Variants in HOPX observed in about 807,000 individuals in gnomAD.
HOPX encodes HOP homeobox.
In HOPX, 5 loss-of-function variants were observed where a neutral mutation model predicts 11.8. That is an observed-to-expected ratio of 0.43 (90% CI 0.22 to 0.89). The LOEUF is 0.89. Ranked by LOEUF, HOPX falls within the 40% of genes least tolerant of loss-of-function variation. The pLI, the probability that HOPX is intolerant of heterozygous loss-of-function variation, is 0.28. For missense variants in HOPX, 119 were observed against 120.0 expected (o/e 0.99, Z 0.04); for synonymous variants, 49 against 49.7 (o/e 0.99, Z 0.06).
chr4:56,679,770 AC>A (rs1471154540), intron 1 of HOPX: 2 of 152,096 alleles, frequency 1.3e-5, no homozygotes, highest in Non-Finnish European at 2.9e-5. Flanking sequence ...GGGCCACCGC[AC>A]CCAGCCACTT....
At chr4:56,656,396 C>T (rs965839828) in intron 2 of HOPX, 2 of 997,834 alleles carry the variant, frequency 2.0e-6, no homozygotes, top group Non-Finnish European at 1.2e-6. Flanking sequence ...TTGAGAAATC[C>T]CCTTAAAAAC....
intron 1 of HOPX, among the ~76,000 whole-genome samples, chr4:56,678,590 C>A (rs71609614): frequency 6.6e-6 from 1 of 151,716 alleles, no homozygotes; most frequent in African/African-American, 2.4e-5. Flanking sequence ...GGATTACAGG[C>A]GCTCACCACA....
chr4:56,648,306 AGG>A lies in HOPX; in HGVS notation c.*412_*413del, dbSNP rs1716842424. ...AGATGATACATAAGGAAAGTGACTT[AGG>A]GAAGTAAGTTCAGAAGGAAATGTGT... is the stretch of plus-strand genomic sequence containing the variant. On this transcript the variant is annotated 3_prime_UTR_variant, in exon 4 of 4. Coordinates refer to ENST00000420433, the MANE Select transcript of HOPX (RefSeq NM_032495.6). The A allele has an allele frequency of 6.3e-6, 1 of 157,840 alleles. No homozygotes were observed. The highest frequency in any genetic ancestry group is 2.0e-4 in the South Asian group (1 of 4,886). The allele number at this position is 157,840 out of a possible 1,614,324, so 9.8% of individuals were successfully genotyped here.
chr4:56,667,534 C>G (rs530405958), intron 1 of HOPX, among the ~76,000 whole-genome samples: 5 of 152,102 alleles, frequency 3.3e-5, no homozygotes, highest in Admixed American at 1.3e-4. Context: ...TTGACAATAA[C>G]CAAAGCAGGC....
chr4:56,659,109 T>C (rs2109496087), intron 1 of HOPX: 1 of 152,322 alleles, frequency 6.6e-6, no homozygotes, highest in South Asian at 2.1e-4. Flanking sequence ...TGGGCTCAAA[T>C]TTGTCATCTT....
intron 3 of HOPX, among the ~76,000 whole-genome samples, chr4:56,652,644 AC>A (rs1717320520): frequency 6.6e-6 from 1 of 152,158 alleles, no homozygotes; most frequent in Admixed American, 6.5e-5. Context: ...CCCCATCTCT[AC>A]AAACAATTTA....
chr4:56,656,380 G>A (rs985867373), intron 2 of HOPX: 30 of 1,010,428 alleles, frequency 3.0e-5, no homozygotes, highest in Middle Eastern at 4.8e-4. Context: ...AAGCGCGGGG[G>A]TGATTTTGAG....
intron 1 of HOPX, among the ~76,000 whole-genome samples, chr4:56,674,745 A>T (rs1718913648): frequency 6.7e-6 from 1 of 149,800 alleles, no homozygotes; most frequent in East Asian, 1.9e-4. Context: ...TCTACTTTTT[A>T]TTTATTTGTT....
chr4:56,667,201 G>A (rs1490864359), intron 1 of HOPX, among the ~76,000 whole-genome samples: 1 of 152,028 alleles, frequency 6.6e-6, no homozygotes, highest in East Asian at 1.9e-4. Context: ...CAAGAAGTAT[G>A]ACTTTCCTTT....
chr4:56,666,438 A>G (rs1167170867), intron 1 of HOPX, among the ~76,000 whole-genome samples: 1 of 152,210 alleles, frequency 6.6e-6, no homozygotes, highest in Non-Finnish European at 1.5e-5. Context: ...CTTACTGAAA[A>G]CAGGAAGATA....
chr4:56,655,804 AAGGCTC>A (rs202210524), intron 3 of HOPX, 47 bp downstream of exon 3: 4 of 1,541,278 alleles, frequency 2.6e-6, no homozygotes, highest in African/African-American at 1.8e-5. Context: ...CAGCCGCGAG[AAGGCTC>A]AGCCCAGGCA....
chr4:56,676,980 C>T (rs2109555135), intron 1 of HOPX, among the ~76,000 whole-genome samples: 1 of 151,944 alleles, frequency 6.6e-6, no homozygotes, highest in South Asian at 2.1e-4. Flanking sequence ...GCTGCCCCAG[C>T]TGCACAACTG....
At chr4:56,662,848 A>C (rs4864594) in intron 1 of HOPX, 122,199 of 152,040 alleles carry the variant, frequency 0.8, 49,789 homozygotes, top group African/African-American at 0.95. Context: ...CTATTTGAAT[A>C]TTTAAGCTCT....
chr4:56,676,600 T>C (rs1281091407), intron 1 of HOPX: 1 of 151,434 alleles, frequency 6.6e-6, no homozygotes, highest in African/African-American at 2.5e-5. Context: ...GAAAAAGCAT[T>C]TGGCTTCCAA....
At chr4:56,681,688 C>G, upstream of HOPX, 1 of 999,548 alleles carries the variant, frequency 1.0e-6, no homozygotes, top group Middle Eastern at 5.2e-4. Flanking sequence ...TGCCTCATTT[C>G]AAAGCGTAGA....
intron 3 of HOPX, chr4:56,650,940 G>T: frequency 1.1e-6 from 1 of 893,316 alleles, no homozygotes; most frequent in Non-Finnish European, 1.6e-6. Context: ...TGGTATGAGA[G>T]CAGCAAGGTT....
rs768928894 is a variant in HOPX, at chr4:56,648,806, G to T, written c.199-9C>A. The T allele has an allele frequency of 6.2e-7, 1 of 1,601,114 alleles. No individual in the cohort carries two copies. The highest frequency in any genetic ancestry group is 1.7e-5 in the Admixed American group (1 of 59,448). On this transcript the variant is annotated splice_polypyrimidine_tract_variant and intron_variant, in intron 3 of 3. Coordinates refer to ENST00000420433, the MANE Select transcript of HOPX (RefSeq NM_032495.6). ...CGCTGCTTAAACCATTTCTGGAAGA[G>T]AGAAATGAGAAAAAATATTTGTCAC...
chr4:56,654,595 G>C (rs901062301), intron 3 of HOPX, among the ~76,000 whole-genome samples: 1 of 152,234 alleles, frequency 6.6e-6, no homozygotes, highest in African/African-American at 2.4e-5. Flanking sequence ...CCAGACAGCT[G>C]TTCCATTTGC....
At chr4:56,669,817 C>G (rs1447546715) in intron 1 of HOPX, among the ~76,000 whole-genome samples, 1 of 152,024 alleles carries the variant, frequency 6.6e-6, no homozygotes, top group Non-Finnish European at 1.5e-5. Flanking sequence ...AGTAAAAATG[C>G]CCCGGTTGCA....
Sources: gnomAD v4.1 joint callset for allele counts (sites outside exome capture counted in the v4.1 genomes callset) on GRCh38, gnomAD v4.1.1 for gene constraint, MANE v1.5 for transcripts, NCBI Gene and HGNC (gene_info 2026-07-23, HGNC 2026-07-21) for gene names.